The following ERICH3 variants were observed in gnomAD, a reference collection of about 807,000 sequenced individuals.
ERICH3 encodes glutamate rich 3.
A neutral mutation model predicts 131.1 loss-of-function variants in ERICH3; 126 were observed. The ratio of observed to expected loss-of-function variants is 0.96; its 90% CI spans 0.83 to 1.11. ERICH3 has a LOEUF of 1.11. ERICH3 is among the 50% of genes most tolerant of loss of function. ERICH3 has a pLI of 0.00. For missense variants in ERICH3, 2,050 were observed against 1,810.7 expected, an observed-to-expected ratio of 1.13 and a Z score of -2.40; for synonymous variants, 695 against 644.6, an observed-to-expected ratio of 1.08 and a Z score of -1.18.
In ERICH3 at chr1:74,571,435, A is replaced by G. The variant is rs764246623; in HGVS notation, c.4275T>C (p.Tyr1425=). The G allele has an allele frequency of 6.2e-7, 1 of 1,613,554 alleles. No homozygotes were observed. Among genetic ancestry groups the G allele is most frequent in the African/African-American group, 1.3e-5 (1 of 74,736 alleles). The change falls in exon 14 of 15, where the codon TAT becomes TAC. Residue 1425 remains tyrosine, a synonymous_variant. Coordinates refer to ENST00000326665, the MANE Select transcript of ERICH3 (RefSeq NM_001002912.5). ...GAGTGCCCACCCCAGCCTCTGTTGT[A>G]TATGTCACTGTCATCTCCTCTGCTG... ...VPAAEEMTVT[Y]TTEAGVGTPG... is the part of the protein sequence containing the mutation.
intron 13 of ERICH3, among the ~76,000 whole-genome samples, chr1:74,575,077 C>A (rs1386627737): frequency 6.6e-6 from 1 of 152,012 alleles, no homozygotes; most frequent in Non-Finnish European, 1.5e-5. Context: ...CATCTTACCC[C>A]CAACATCATC....
In ERICH3 at chr1:74,606,710, T is replaced by C; in HGVS notation, c.1380A>G (p.Glu460=). 6.2e-7 allele frequency: 1 copy of C among 1,613,352 alleles called. No individual in the cohort carries two copies. The highest frequency in any genetic ancestry group is 8.5e-7 in the Non-Finnish European group (1 of 1,179,526). ...TSVSAKFSAQ[E]IKTGLKEVVT... is the part of the protein sequence containing the mutation. ...CCACTTCTTTGAGCCCTGTTTTTAT[T>C]TCTTGAGCTGAAAATTTGGCTGAAA... Residue 460 remains glutamate, a synonymous_variant, in exon 10 of 15, where the codon GAA becomes GAG. Coordinates refer to ENST00000326665, the MANE Select transcript of ERICH3 (RefSeq NM_001002912.5).
At chr1:74,585,455 A>C (rs535291553) in intron 12 of ERICH3, among the ~76,000 whole-genome samples, 4 of 152,148 alleles carry the variant, frequency 2.6e-5, no homozygotes, top group Non-Finnish European at 5.9e-5. Flanking sequence ...TATGCAATCA[A>C]CCTAAAAGGT....
rs1021331044 is a variant in ERICH3 at position 74,572,757 on chromosome 1, T to C, written c.2953A>G (p.Lys985Glu). The change falls in exon 14 of 15, where the codon AAA (lysine) becomes GAA (glutamate). Residue 985 changes from lysine to glutamate, a missense_variant. Physicochemically the swap from Lys to Glu is moderately conservative, Grantham distance 56. Transcript: ENST00000326665. The part of the protein sequence containing the change: ...LGGEEPAKER[K>E]EVMRTETRLS... The stretch of plus-strand genomic sequence containing the variant: ...CGTGTTTCTGTTCTCATAACCTCTT[T>C]TCTCTCTTTGGCTGGTTCCTCTCCC... 1 of 1,613,916 alleles carries C rather than the reference T, an allele frequency of 6.2e-7. No homozygotes were observed. The highest frequency in any genetic ancestry group is 1.3e-5 in the African/African-American group (1 of 74,968).
At chr1:74,638,145 A>C (rs2100631105) in intron 5 of ERICH3, among the ~76,000 whole-genome samples, 1 of 152,316 alleles carries the variant, frequency 6.6e-6, no homozygotes, top group Admixed American at 6.5e-5. Flanking sequence ...TAAATACTTT[A>C]AAAAATGATG....
chr1:74,633,574 T>G (rs1646361554), intron 6 of ERICH3, among the ~76,000 whole-genome samples: 1 of 152,036 alleles, frequency 6.6e-6, no homozygotes, highest in South Asian at 2.1e-4. Context: ...CTTGCTTCTT[T>G]TAGTTCGACA....
At position 74,573,166 on chromosome 1, in the gene ERICH3, G is replaced by C; in HGVS notation, c.2544C>G (p.Val848=). The change falls in exon 14 of 15, where the codon GTC becomes GTG. Residue 848 remains valine, a synonymous_variant. Transcript: ENST00000326665. Reference sequence around the variant, plus strand: ...CTGACCCCCCTTCACCCAGCCTTCTGACCCCTTCTGCTTCTGCTGCTCCCT... The same window carrying C: ...CTGACCCCCCTTCACCCAGCCTTCTCACCCCTTCTGCTTCTGCTGCTCCCT... ...GAEGAAEAEG[V]RRLGEGGSDP... The C allele has an allele frequency of 5.0e-6, 8 of 1,613,710 alleles. No homozygotes were observed. Among genetic ancestry groups the C allele is most frequent in the Non-Finnish European group, 6.8e-6 (8 of 1,179,790 alleles).
intron 5 of ERICH3, among the ~76,000 whole-genome samples, chr1:74,637,459 A>G (rs773449637): frequency 6.6e-6 from 1 of 152,084 alleles, no homozygotes; most frequent in Non-Finnish European, 1.5e-5. Context: ...ATAGCTTTTT[A>G]AACACTTTCT....
At position 74,639,982 on chromosome 1, in the gene ERICH3, G is replaced by A. The variant is rs537205476; in HGVS notation, c.444+1349C>T. On this transcript the variant is annotated intron_variant, in intron 5 of 14. Transcript: ENST00000326665. ...CAAGATCACAATAGGTATCCCTTAC[G>A]GTGCAAAAGCACCATCAGGGCGGGC... 2.6e-3 allele frequency among the ~76,000 whole-genome samples: 392 copies of A among 152,220 alleles called. 2 individuals carry two copies. Among genetic ancestry groups the A allele is most frequent in the Non-Finnish European group, 4.0e-3 (269 of 68,002 alleles).
chr1:74,593,776 T>C (rs1317296659), intron 11 of ERICH3, among the ~76,000 whole-genome samples: 1 of 151,996 alleles, frequency 6.6e-6, no homozygotes, highest in Non-Finnish European at 1.5e-5. Context: ...GAAAGAGAGG[T>C]CCAAAGAGGT....
At chr1:74,673,073 C>T (rs538048989) in intron 1 of ERICH3, among the ~76,000 whole-genome samples, 1 of 152,292 alleles carries the variant, frequency 6.6e-6, no homozygotes, top group South Asian at 2.1e-4. Context: ...TCACACCTCG[C>T]TTATATGTAA....
intron 5 of ERICH3, among the ~76,000 whole-genome samples, chr1:74,638,476 A>G (rs1468521312): frequency 1.3e-5 from 2 of 152,210 alleles, no homozygotes; most frequent in African/African-American, 2.4e-5. Context: ...TTTTATCCCA[A>G]TGGTAAACAA....
intron 8 of ERICH3, among the ~76,000 whole-genome samples, chr1:74,613,806 G>A (rs1648817308): frequency 6.6e-6 from 1 of 152,092 alleles, no homozygotes. Flanking sequence ...CTTATTCTCT[G>A]CAGAGTGACT....
At chr1:74,673,184 G>A (rs775822446) in intron 1 of ERICH3, among the ~76,000 whole-genome samples, 17 of 152,094 alleles carry the variant, frequency 1.1e-4, no homozygotes, top group Admixed American at 2.6e-4. Flanking sequence ...CACACCACAG[G>A]ATCTTCTTGA....
intron 6 of ERICH3, among the ~76,000 whole-genome samples, chr1:74,634,145 T>A (rs1328277637): frequency 6.6e-6 from 1 of 152,106 alleles, no homozygotes; most frequent in African/African-American, 2.4e-5. Context: ...TATTCTTCTT[T>A]AAGAGCTTCT....
rs766262336 is a variant in ERICH3 at position 74,571,393 on chromosome 1, C to T, written c.4317G>A (p.Arg1439=). The part of the protein sequence containing the change: ...AGVGTPGALE[R]KTSGLGQEQE... ...GCTCCTGTCCTAGCCCTGAGGTCTT[C>T]CGCTCCAGGGCTCCTGGAGTGCCCA... Residue 1439 remains arginine, a synonymous_variant, in exon 14 of 15, where the codon CGG becomes CGA. Coordinates refer to ENST00000326665, the MANE Select transcript of ERICH3 (RefSeq NM_001002912.5). 4.3e-6 allele frequency: 7 copies of T among 1,613,888 alleles called. No individual in the cohort carries two copies. The highest frequency in any genetic ancestry group is 5.9e-6 in the Non-Finnish European group (7 of 1,179,994).
chr1:74,637,786 G>T (rs1473105750), intron 5 of ERICH3, among the ~76,000 whole-genome samples: 1 of 151,900 alleles, frequency 6.6e-6, no homozygotes, highest in African/African-American at 2.4e-5. Context: ...TGGGTATGAT[G>T]ATGTGTGCCA....
At position 74,673,455 on chromosome 1, in the gene ERICH3, C is replaced by T. The variant is rs201076672; in HGVS notation, c.23+42G>A. On this transcript the variant is annotated intron_variant, in intron 1 of 14. Transcript: ENST00000326665. ...AGGAGGAGGGGCAGCTGGCTGAAGCCGCCACCTGCCACAGCGTGGAAAAGC... is the reference window on the plus strand; with the variant it reads ...AGGAGGAGGGGCAGCTGGCTGAAGCTGCCACCTGCCACAGCGTGGAAAAGC... 5,139 of 1,607,582 alleles carry T rather than the reference C, an allele frequency of 3.2e-3. 146 individuals carry two copies. The African/African-American group carries it at 0.06, about 19-fold the overall frequency.
At chr1:74,667,494 G>T (rs1437644740) in intron 1 of ERICH3, among the ~76,000 whole-genome samples, 3 of 152,084 alleles carry the variant, frequency 2.0e-5, no homozygotes, top group African/African-American at 4.8e-5. Flanking sequence ...ATAACTAAAG[G>T]TTAGAAGATT....
Sources: allele counts gnomAD v4.1 joint callset (sites outside exome capture counted in the v4.1 genomes callset), GRCh38; gene constraint gnomAD v4.1.1; transcripts MANE v1.5; gene names NCBI Gene and HGNC (gene_info 2026-07-23, HGNC 2026-07-21).